Variants in IL1RAPL2 observed in about 807,000 individuals in gnomAD.
IL1RAPL2 encodes interleukin 1 receptor accessory protein like 2.
In IL1RAPL2, 3 loss-of-function variants were observed where a neutral mutation model predicts 44.1. The ratio of observed to expected loss-of-function variants is 0.07; its 90% CI spans 0.03 to 0.18. IL1RAPL2 has a LOEUF of 0.18. IL1RAPL2 is among the 10% of genes least tolerant of loss of function. The pLI is 1.00. For missense variants in IL1RAPL2, 391 were observed against 496.4 expected, an observed-to-expected ratio of 0.79 and a Z score of 2.02; for synonymous variants, 181 against 178.8, an observed-to-expected ratio of 1.01 and a Z score of -0.10.
intron 2 of IL1RAPL2, among the ~76,000 whole-genome samples, chrX:104,940,582 A>G (rs751551937): frequency 1.8e-5 from 2 of 110,789 alleles, no homozygotes; most frequent in South Asian, 7.6e-4. Flanking sequence ...TTGGGGGTTT[A>G]TTGTGGCTCT....
At chrX:104,721,862 G>T (rs1373047629) in intron 2 of IL1RAPL2, among the ~76,000 whole-genome samples, 4 of 111,407 alleles carry the variant, frequency 3.6e-5, no homozygotes, top group South Asian at 3.7e-4. Flanking sequence ...ACACAGATAG[G>T]TTTGAAATTC....
At chrX:104,882,665 C>T (rs1483874503) in intron 2 of IL1RAPL2, among the ~76,000 whole-genome samples, 36 of 111,836 alleles carry the variant, frequency 3.2e-4, no homozygotes, top group African/African-American at 1.1e-3. Context: ...ATCAGCAGGA[C>T]GTGGATGGGG....
At chrX:105,446,781 C>T (rs892838578) in intron 5 of IL1RAPL2, among the ~76,000 whole-genome samples, 1 of 108,051 alleles carries the variant, frequency 9.3e-6, no homozygotes, top group East Asian at 2.9e-4. Context: ...ATTTTTGATT[C>T]GTTCATCATT....
intron 2 of IL1RAPL2, among the ~76,000 whole-genome samples, chrX:104,835,581 C>T (rs1921721714): frequency 9.0e-6 from 1 of 111,333 alleles, no homozygotes; most frequent in African/African-American, 3.3e-5. Context: ...CTAATACTCC[C>T]AGTTCCTCAA....
intron 2 of IL1RAPL2, among the ~76,000 whole-genome samples, chrX:104,773,374 T>A (rs1292648546): frequency 1.8e-5 from 2 of 111,983 alleles, no homozygotes; most frequent in South Asian, 3.7e-4. Context: ...TTTATTGAAA[T>A]TGTTGGTAAT....
chrX:105,464,978 A>G (rs2036118158), intron 5 of IL1RAPL2, among the ~76,000 whole-genome samples: 1 of 112,015 alleles, frequency 8.9e-6, no homozygotes. Context: ...AGACATGGGG[A>G]GAATGTGTAA....
At chrX:105,034,654 G>C (rs915826041) in intron 2 of IL1RAPL2, among the ~76,000 whole-genome samples, 1 of 112,166 alleles carries the variant, frequency 8.9e-6, no homozygotes, top group Admixed American at 9.4e-5. Flanking sequence ...TGCCCCTACT[G>C]GGGGGTGCCT....
chrX:104,855,285 A>T (rs1195226466), intron 2 of IL1RAPL2, among the ~76,000 whole-genome samples: 1 of 111,604 alleles, frequency 9.0e-6, no homozygotes, highest in Non-Finnish European at 1.9e-5. Context: ...GAGGCAGCAA[A>T]GTTTGGAGCT....
At chrX:104,844,973 G>A (rs1165867825) in intron 2 of IL1RAPL2, among the ~76,000 whole-genome samples, 1 of 111,651 alleles carries the variant, frequency 9.0e-6, no homozygotes, top group East Asian at 2.8e-4. Context: ...ACAGAGCTAG[G>A]GGTAGGGGAT....
At chrX:105,169,544 A>G (rs1295964972) in intron 2 of IL1RAPL2, among the ~76,000 whole-genome samples, 1 of 73,653 alleles carries the variant, frequency 1.4e-5, no homozygotes, top group Non-Finnish European at 2.3e-5. Context: ...TGACTCTTTC[A>G]CCCAGGCTGG....
intron 3 of IL1RAPL2, among the ~76,000 whole-genome samples, chrX:105,202,874 T>C (rs782567459): frequency 8.9e-6 from 1 of 112,223 alleles, no homozygotes; most frequent in South Asian, 3.7e-4. Context: ...TAATGTTGAC[T>C]GGTTTCACAT....
At chrX:104,625,959 C>T in intron 1 of IL1RAPL2, among the ~76,000 whole-genome samples, 1 of 110,962 alleles carries the variant, frequency 9.0e-6, no homozygotes, top group Middle Eastern at 4.6e-3. Context: ...CTCTAGCATC[C>T]TTATCTGTAA....
chrX:105,033,171 T>G (rs182766358), intron 2 of IL1RAPL2, among the ~76,000 whole-genome samples: 1 of 111,896 alleles, frequency 8.9e-6, no homozygotes, highest in Non-Finnish European at 1.9e-5. Flanking sequence ...GCTTGACTCT[T>G]TATCCAATTT....
chrX:105,362,396 CAAAT>C (rs769487214), intron 5 of IL1RAPL2, among the ~76,000 whole-genome samples: 1 of 111,294 alleles, frequency 9.0e-6, no homozygotes, highest in East Asian at 2.8e-4. Context: ...ATAATTCTCT[CAAAT>C]AAGGTAGATA....
At chrX:105,433,468 A>C (rs963309567) in intron 5 of IL1RAPL2, among the ~76,000 whole-genome samples, 1 of 111,505 alleles carries the variant, frequency 9.0e-6, no homozygotes, top group South Asian at 3.8e-4. Context: ...GCAAACATCT[A>C]TGAATCCATG....
At chrX:105,698,116 T>C (rs368814222) in intron 6 of IL1RAPL2, among the ~76,000 whole-genome samples, 4 of 111,679 alleles carry the variant, frequency 3.6e-5, no homozygotes, top group East Asian at 5.7e-4. Context: ...TAACTTGTCA[T>C]CTTCTACAAT....
intron 2 of IL1RAPL2, among the ~76,000 whole-genome samples, chrX:105,043,986 A>T (rs1479358002): frequency 8.9e-6 from 1 of 111,994 alleles, no homozygotes; most frequent in East Asian, 2.8e-4. Context: ...ATCATACTTA[A>T]GGCTGATGAC....
intron 6 of IL1RAPL2, among the ~76,000 whole-genome samples, chrX:105,592,249 G>T (rs1383152177): frequency 1.8e-5 from 2 of 111,309 alleles, no homozygotes; most frequent in African/African-American, 3.3e-5. Flanking sequence ...TCAATTTTTT[G>T]TTGTTGTTGT....
intron 2 of IL1RAPL2, among the ~76,000 whole-genome samples, chrX:105,146,035 C>T (rs774616304): frequency 1.8e-5 from 2 of 111,407 alleles, no homozygotes; most frequent in South Asian, 3.8e-4. Context: ...AGTGAGAAGG[C>T]ACCATCTATG....
Sources: gnomAD v4.1 joint callset for allele counts (sites outside exome capture counted in the v4.1 genomes callset) on GRCh38, gnomAD v4.1.1 for gene constraint, MANE v1.5 for transcripts, NCBI Gene and HGNC (gene_info 2026-07-23, HGNC 2026-07-21) for gene names.